Variants in GLS observed in about 807,000 individuals in gnomAD.
GLS encodes glutaminase, also known as glutaminase kidney isoform, mitochondrial.
A neutral mutation model predicts 86.7 loss-of-function variants in GLS; 36 were observed. The ratio of observed to expected loss-of-function variants is 0.42; its 90% CI spans 0.32 to 0.55. GLS has a LOEUF of 0.55. Ranked by LOEUF, GLS falls within the 20% of genes least tolerant of loss-of-function variation. The probability of loss-of-function intolerance (pLI) is 0.17; values close to 1 mark genes in which losing one functional copy is unlikely to be tolerated. For missense variants in GLS, 528 were observed against 833.4 expected (o/e 0.63, Z 4.51); for synonymous variants, 317 against 305.9 (o/e 1.04, Z -0.38).
chr2:190,918,911 C>T (rs1689635618), intron 7 of GLS, among the ~76,000 whole-genome samples: 1 of 152,030 alleles, frequency 6.6e-6, no homozygotes, highest in South Asian at 2.1e-4. Flanking sequence ...ACATATACAA[C>T]ATTTATAGGT....
At chr2:190,928,703 G>T (rs1192345424) in intron 12 of GLS, among the ~76,000 whole-genome samples, 49 of 123,692 alleles carry the variant, frequency 4.0e-4, no homozygotes, top group African/African-American at 1.1e-3. Flanking sequence ...ATTGGGTTTT[G>T]TCTCCTTTTT....
chr2:190,902,953 C>T (rs1329238606), intron 5 of GLS, among the ~76,000 whole-genome samples: 1 of 152,042 alleles, frequency 6.6e-6, no homozygotes, highest in Non-Finnish European at 1.5e-5. Flanking sequence ...GTAATTTTAC[C>T]TAAATTTCGT....
At position 190,920,050 on chromosome 2, in the gene GLS, T is replaced by C. The variant is rs940128840; in HGVS notation, c.1039-974T>C. ...TTCTCTGGTACAGGTTTTCCTCCCA[T>C]AATATTTTAAAGTACAATGTTTTGG... is the stretch of plus-strand genomic sequence containing the variant. On this transcript the variant is annotated intron_variant, in intron 7 of 17. Transcript: ENST00000320717. The surrounding 1 kb of genome is among the most constrained non-coding windows in gnomAD (Gnocchi z 4.2). 2.0e-5 allele frequency: 3 copies of C among 151,930 alleles called. No homozygotes were observed. Among genetic ancestry groups the C allele is most frequent in the African/African-American group, 7.2e-5 (3 of 41,444 alleles). 9.4% of individuals were successfully genotyped at this position (151,930 alleles called of 1,614,324 possible).
intron 14 of GLS, among the ~76,000 whole-genome samples, chr2:190,945,427 G>T (rs1416655174): frequency 2.0e-5 from 3 of 151,926 alleles, no homozygotes; most frequent in Admixed American, 2.0e-4. Context: ...CTTTGGGAGG[G>T]TGTCAGGAGG....
Position 190,953,417 on chromosome 2 carries a change from T to G in GLS, c.1651-148T>G, listed in dbSNP as rs919232909. ...AGAAAGTATCACACACGTGGGTTCT[T>G]TTGGCTATGGAAGTGTCCTTGAGAT... On this transcript the variant is annotated intron_variant, in intron 14 of 17. Transcript: ENST00000320717. The surrounding 1 kb of genome is among the most constrained non-coding windows in gnomAD (Gnocchi z 4.0). The G allele has an allele frequency of 4.3e-5, 26 of 598,910 alleles. No homozygotes were observed. In the African/African-American group the frequency reaches 4.7e-4, roughly 11 times the overall value. 37.1% of individuals were successfully genotyped at this position (598,910 alleles called of 1,614,324 possible).
chr2:190,897,326 TG>T lies in GLS; in HGVS notation c.605+1602del, dbSNP rs1391851036. 6.6e-6 allele frequency among the ~76,000 whole-genome samples: 1 copy of T among 152,224 alleles called. No individual in the cohort carries two copies. Among genetic ancestry groups the T allele is most frequent in the Non-Finnish European group, 1.5e-5 (1 of 68,044 alleles). On this transcript the variant is annotated intron_variant, in intron 3 of 17. Coordinates refer to ENST00000320717, the MANE Select transcript of GLS (RefSeq NM_014905.5). The surrounding 1 kb of genome is among the most constrained non-coding windows in gnomAD (Gnocchi z 4.3). ...AATACTTGAAAAAATATTTATGTTT[TG>T]TAAACATGTTGTTATGTTTAAATAT...
Position 190,933,722 on chromosome 2 carries a change from T to C in GLS, c.1650+2085T>C, listed in dbSNP as rs148582404. On this transcript the variant is annotated intron_variant, in intron 14 of 17. Transcript: ENST00000320717. Reference sequence around the variant, plus strand: ...TAACTTTTTCTATGTTATATTTAAATATGAATGGCAAATTTTGGTTTTTAG... The same window carrying C: ...TAACTTTTTCTATGTTATATTTAAACATGAATGGCAAATTTTGGTTTTTAG... 878 of 858,476 alleles carry C rather than the reference T, an allele frequency of 1.0e-3. 8 individuals carry two copies. The African/African-American group carries it at 0.015, about 15-fold the overall frequency. 53.2% of individuals were successfully genotyped at this position (858,476 alleles called of 1,614,324 possible).
At chr2:190,929,157 C>T (rs1690013953) in intron 12 of GLS, among the ~76,000 whole-genome samples, 1 of 150,886 alleles carries the variant, frequency 6.6e-6, no homozygotes, top group African/African-American at 2.4e-5. Context: ...GCTCTAATGA[C>T]ATTAATTTTT....
At position 190,963,034 on chromosome 2, in the gene GLS, A is replaced by AAAT; in HGVS notation, c.*49_*51dup. On this transcript the variant is annotated 3_prime_UTR_variant, in exon 18 of 18. Coordinates refer to ENST00000320717, the MANE Select transcript of GLS (RefSeq NM_014905.5). Reference sequence around the variant, plus strand: ...AATCACTTACCTATTTAATTGTGGAAAATGATTATGAAGAACATGTGTATT... The same window carrying AAAT: ...AATCACTTACCTATTTAATTGTGGAAAATAATGATTATGAAGAACATGTGTATT... 7.6e-7 allele frequency: 1 copy of AAAT among 1,320,980 alleles called. No individual in the cohort carries two copies. Among genetic ancestry groups the AAAT allele is most frequent in the Non-Finnish European group, 1.1e-6 (1 of 948,732 alleles). 81.8% of individuals were successfully genotyped at this position (1,320,980 alleles called of 1,614,324 possible).
rs949989179 is a variant in GLS at position 190,930,781 on chromosome 2, A to G, written c.1557+213A>G. 8.5e-5 allele frequency among the ~76,000 whole-genome samples: 13 copies of G among 152,344 alleles called. No individual in the cohort carries two copies. Among genetic ancestry groups the G allele is most frequent in the Admixed American group, 8.5e-4 (13 of 15,300 alleles). ...ATTATTCCCACAGATTATATTTGTT[A>G]GATGCTAATATTTTAATTTTCATGG... is the stretch of plus-strand genomic sequence containing the variant. On this transcript the variant is annotated intron_variant, in intron 13 of 17. Coordinates refer to ENST00000320717, the MANE Select transcript of GLS (RefSeq NM_014905.5). The surrounding 1 kb of genome is among the most constrained non-coding windows in gnomAD (Gnocchi z 5.0).
chr2:190,929,637 G>A (rs1439219416), intron 12 of GLS, among the ~76,000 whole-genome samples: 3 of 151,654 alleles, frequency 2.0e-5, no homozygotes, highest in East Asian at 3.9e-4. Flanking sequence ...ACGCGGCTAA[G>A]TTTTGTATTT....
chr2:190,898,368 G>A (rs947436145), intron 3 of GLS, among the ~76,000 whole-genome samples: 1 of 152,160 alleles, frequency 6.6e-6, no homozygotes, highest in South Asian at 2.1e-4. Context: ...TTGCTGAAAA[G>A]CATAAGCACC....
intron 14 of GLS, among the ~76,000 whole-genome samples, chr2:190,942,067 CTTTTTTT>C (rs3036653): frequency 4.1e-3 from 156 of 38,038 alleles, no homozygotes; most frequent in Non-Finnish European, 7.2e-3. Context: ...ACTTTGAAGA[CTTTTTTT>C]TTTTTTTTTT....
intron 1 of GLS, among the ~76,000 whole-genome samples, chr2:190,881,757 C>T (rs59538223): frequency 0.11 from 16,130 of 152,206 alleles, 1,257 homozygotes; most frequent in Admixed American, 0.26. Flanking sequence ...GCGTCCCCAG[C>T]GCCAGAGAGG....
At chr2:190,900,419 G>A in intron 3 of GLS, 145 bp from the exon 4 acceptor site, 1 of 457,620 alleles carries the variant, frequency 2.2e-6, no homozygotes, top group Non-Finnish European at 3.8e-6. Context: ...GAAAGATAAT[G>A]TAGAAAGCAT....
At chr2:190,961,768 T>C (rs1461728869) in intron 17 of GLS, among the ~76,000 whole-genome samples, 2 of 149,776 alleles carry the variant, frequency 1.3e-5, no homozygotes, top group African/African-American at 2.5e-5. Context: ...CTACCAAAAT[T>C]TATCCAAATA....
intron 7 of GLS, among the ~76,000 whole-genome samples, chr2:190,917,830 T>C (rs1689590404): frequency 6.6e-6 from 1 of 152,058 alleles, no homozygotes; most frequent in Non-Finnish European, 1.5e-5. Context: ...GGCTCACACC[T>C]GTAATCTCAG....
At position 190,881,126 on chromosome 2, in the gene GLS, C is replaced by T. The variant is rs1053382014; in HGVS notation, c.42C>T (p.Leu14=). The T allele has an allele frequency of 1.9e-6, 3 of 1,559,344 alleles. No individual in the cohort carries two copies. The highest frequency in any genetic ancestry group is 2.6e-6 in the Non-Finnish European group (3 of 1,161,228). ...GCTCGGGGATGCTGCGGGACCTGCTCCTGCGGTCGCCCGCCGGCGTGAGCG... is the reference window on the plus strand; with the variant it reads ...GCTCGGGGATGCTGCGGGACCTGCTTCTGCGGTCGCCCGCCGGCGTGAGCG... The part of the protein sequence containing the change: ...LRGSGMLRDL[L]LRSPAGVSAT... Residue 14 remains leucine (L), a synonymous_variant, in exon 1 of 18, where the codon CTC becomes CTT. Coordinates refer to ENST00000320717, the MANE Select transcript of GLS (RefSeq NM_014905.5).
intron 14 of GLS, among the ~76,000 whole-genome samples, chr2:190,931,914 C>T (rs1329921376): frequency 6.6e-6 from 1 of 151,790 alleles, no homozygotes; most frequent in South Asian, 2.1e-4. Context: ...TTTCCCCTTC[C>T]ATTTTCTGCT....
Sources: allele counts gnomAD v4.1 joint callset (sites outside exome capture counted in the v4.1 genomes callset), GRCh38; gene constraint gnomAD v4.1.1; non-coding constraint Gnocchi (gnomAD v3.1); transcripts MANE v1.5; gene names NCBI Gene and HGNC (gene_info 2026-07-23, HGNC 2026-07-21).